The following ASCL5 variants were observed in gnomAD, a reference collection of about 807,000 sequenced individuals.
ASCL5 encodes the protein achaete-scute family bHLH transcription factor 5, also known as achaete-scute homolog 5.
For synonymous variants in ASCL5, 124 were observed against 131.5 expected (o/e 0.94, Z 0.39); for missense variants, 262 against 268.9 (o/e 0.97, Z 0.18).
In ASCL5 at chr1:201,115,072, C is replaced by A. The variant is rs922545647; in HGVS notation, c.301G>T (p.Glu101Ter). ...TGGCCGCGGAGGCGAGCGTAGCCCT[C>A]GTTGACGCACTTGACTCGCTGCCTC... is the stretch of plus-strand genomic sequence containing the variant. ...RERQRVKCVN[E>*]GYARLRGHLP... The change falls in exon 2 of 2, where the codon GAG (glutamate) becomes TAG (stop). Residue 101 changes from glutamate to a stop codon, truncating the protein, a stop_gained. Transcript: ENST00000449188. LOFTEE classifies it low-confidence loss of function (END_TRUNC). 11 of 1,231,882 alleles carry A rather than the reference C, an allele frequency of 8.9e-6. No homozygotes were observed. Among genetic ancestry groups the A allele is most frequent in the African/African-American group, 1.6e-5 (1 of 64,436 alleles). 76.3% of individuals were successfully genotyped at this position (1,231,882 alleles called of 1,614,324 possible). A position where few individuals can be genotyped will look rare whatever the true frequency, so the allele number is the denominator to read the frequency against.
Position 201,119,854 on chromosome 1 carries a change from T to C in ASCL5, c.-505-3977A>G, listed in dbSNP as rs575033507. The stretch of plus-strand genomic sequence containing the variant: ...GAGTGAACCCATTGATTGCATTGAG[T>C]AGGCACAGACTATTAGTTGCAGGCA... On this transcript the variant is annotated intron_variant, in intron 1 of 1. Transcript: ENST00000449188. Among the ~76,000 whole-genome samples the C allele has an allele frequency of 6.6e-5, 10 of 152,160 alleles. 1 individual carries two copies. The South Asian group carries it at 2.1e-3, about 32-fold the overall frequency.
At chr1:201,119,132 T>C (rs1477955593) in intron 1 of ASCL5, among the ~76,000 whole-genome samples, 1 of 152,258 alleles carries the variant, frequency 6.6e-6, no homozygotes, top group Non-Finnish European at 1.5e-5. Flanking sequence ...CCAATTATAA[T>C]GCTGTTATTT....
chr1:201,126,138 A>ATT (rs58644617), intron 1 of ASCL5, among the ~76,000 whole-genome samples: 37 of 147,812 alleles, frequency 2.5e-4, no homozygotes, highest in African/African-American at 7.7e-4. Flanking sequence ...TTTAAAGTTA[A>ATT]TTTTTTTTTT....
rs1663349945 is a variant in ASCL5 at position 201,116,354 on chromosome 1, T to C, written c.-505-477A>G. ...TTTATGGAAAGGAATGCCTCTTTGA[T>C]AACAAGGTAGGTGTTGCTGGTCCAT... On this transcript the variant is annotated intron_variant, in intron 1 of 1. Coordinates refer to ENST00000449188, the MANE Select transcript of ASCL5 (RefSeq NM_001270601.2). 3.3e-5 allele frequency among the ~76,000 whole-genome samples: 5 copies of C among 152,128 alleles called. No homozygotes were observed. The South Asian group carries it at 1.0e-3, about 32-fold the overall frequency.
chr1:201,115,073 G>A lies in ASCL5; in HGVS notation c.300C>T (p.Asn100=). ...ERERQRVKCV[N]EGYARLRGHL... ...GGCCGCGGAGGCGAGCGTAGCCCTCGTTGACGCACTTGACTCGCTGCCTCT... is the reference window on the plus strand; with the variant it reads ...GGCCGCGGAGGCGAGCGTAGCCCTCATTGACGCACTTGACTCGCTGCCTCT... Residue 100 remains asparagine (N), a synonymous_variant, in exon 2 of 2, where the codon AAC becomes AAT. Coordinates refer to ENST00000449188, the MANE Select transcript of ASCL5 (RefSeq NM_001270601.2). 8.1e-7 allele frequency: 1 copy of A among 1,231,998 alleles called. No individual in the cohort carries two copies. The highest frequency in any genetic ancestry group is 1.0e-6 in the Non-Finnish European group (1 of 988,188). The allele number at this position is 1,231,998 out of a possible 1,614,324, so 76.3% of individuals were successfully genotyped here.
At chr1:201,118,520 C>A (rs1663392276) in intron 1 of ASCL5, among the ~76,000 whole-genome samples, 1 of 151,596 alleles carries the variant, frequency 6.6e-6, no homozygotes, top group Non-Finnish European at 1.5e-5. Flanking sequence ...CATAACCTAT[C>A]TGCAAGATAC....
chr1:201,126,705 G>A (rs988430258), intron 1 of ASCL5, among the ~76,000 whole-genome samples: 3 of 152,164 alleles, frequency 2.0e-5, no homozygotes, highest in South Asian at 4.1e-4. Context: ...GTGTGAGCCC[G>A]GGCCATCTCT....
chr1:201,123,720 TACCCC>T (rs778303344), intron 1 of ASCL5, among the ~76,000 whole-genome samples: 4 of 152,302 alleles, frequency 2.6e-5, no homozygotes, highest in African/African-American at 9.6e-5. Flanking sequence ...TTACTCCTAC[TACCCC>T]ACCCCACCCA....
intron 1 of ASCL5, among the ~76,000 whole-genome samples, chr1:201,126,398 C>T (rs968082440): frequency 2.0e-5 from 3 of 152,180 alleles, no homozygotes; most frequent in Non-Finnish European, 2.9e-5. Flanking sequence ...CACTGTGTCC[C>T]GCCCTCCCTT....
intron 1 of ASCL5, among the ~76,000 whole-genome samples, chr1:201,120,179 T>TTTTCTAATCCTCAAATC: frequency 6.6e-6 from 1 of 152,164 alleles, no homozygotes; most frequent in Non-Finnish European, 1.5e-5. Context: ...CAAATCTGAC[T>TTTTCTAATCCTCAAATC]TGCACCAGAG....
rs534034158 is a variant in ASCL5 at position 201,114,931 on chromosome 1, G to T, written c.442C>A (p.Pro148Thr). The T allele has an allele frequency of 1.5e-5, 19 of 1,230,812 alleles. No individual in the cohort carries two copies. The Admixed American group carries it at 1.7e-4, about 11-fold the overall frequency. 76.2% of individuals were successfully genotyped at this position (1,230,812 alleles called of 1,614,324 possible). ...LLSSAPDGST[P>T]PASRGLPGTG... Reference sequence around the variant, plus strand: ...CCCGGGAGGCCGCGGGAAGCGGGGGGCGTCGAGCCGTCGGGGGCCGAGCTC... The same window carrying T: ...CCCGGGAGGCCGCGGGAAGCGGGGGTCGTCGAGCCGTCGGGGGCCGAGCTC... Residue 148 changes from proline to threonine, a missense_variant, in exon 2 of 2, where the codon CCC becomes ACC. By Grantham distance (38) the Pro-to-Thr change is conservative. Transcript: ENST00000449188.
chr1:201,124,541 G>T (rs889948929), intron 1 of ASCL5, among the ~76,000 whole-genome samples: 8 of 147,220 alleles, frequency 5.4e-5, no homozygotes, highest in African/African-American at 2.1e-4. Context: ...TGTAGGTGAC[G>T]GCTATTTCAT....
chr1:201,125,792 C>T (rs530697502), intron 1 of ASCL5, among the ~76,000 whole-genome samples: 14 of 152,272 alleles, frequency 9.2e-5, no homozygotes, highest in Non-Finnish European at 2.9e-5. Context: ...TGAATTGCTG[C>T]TGGATGAATG....
intron 1 of ASCL5, among the ~76,000 whole-genome samples, chr1:201,116,571 G>A (rs1663353745): frequency 6.6e-6 from 1 of 152,186 alleles, no homozygotes; most frequent in Non-Finnish European, 1.5e-5. Context: ...AATACATGTG[G>A]AATAACAGAG....
rs1256804806 is a variant in ASCL5 at position 201,115,333 on chromosome 1, G to A, written c.40C>T (p.Pro14Ser). The A allele has an allele frequency of 1.2e-5, 15 of 1,231,392 alleles. No individual in the cohort carries two copies. The highest frequency in any genetic ancestry group is 1.5e-5 in the Non-Finnish European group (15 of 987,714). The allele number at this position is 1,231,392 out of a possible 1,614,324, so 76.3% of individuals were successfully genotyped here. Residue 14 changes from proline (P) to serine (S), a missense_variant, in exon 2 of 2, where the codon CCT becomes TCT. By Grantham distance (74) the Pro-to-Ser change is moderately conservative. Coordinates refer to ENST00000449188, the MANE Select transcript of ASCL5 (RefSeq NM_001270601.2). ...TGCATGCAGCTGGGGGGCCCCAGAG[G>A]CCTCCGGTCCACCAGAGCCCGGCAG... ...NFCRALVDRR[P>S]LGPPSCMQLG...
chr1:201,125,107 A>G (rs2102203037), intron 1 of ASCL5, among the ~76,000 whole-genome samples: 1 of 152,352 alleles, frequency 6.6e-6, no homozygotes, highest in African/African-American at 2.4e-5. Context: ...GCCACTTCCC[A>G]GCTATATGAC....
At position 201,127,116 on chromosome 1, in the gene ASCL5, C is replaced by G. The variant is rs1047402529; in HGVS notation, c.-538G>C. On this transcript the variant is annotated 5_prime_UTR_variant, in exon 1 of 2. Transcript: ENST00000449188. ...GGTTTGTTCCTCCGGCAGCGCTTATCCTGATCAGTGGCTCTTGAACCTCCT... is the reference window on the plus strand; with the variant it reads ...GGTTTGTTCCTCCGGCAGCGCTTATGCTGATCAGTGGCTCTTGAACCTCCT... The G allele has an allele frequency of 2.0e-5, 3 of 152,452 alleles. No homozygotes were observed. The highest frequency in any genetic ancestry group is 7.2e-5 in the African/African-American group (3 of 41,480). The allele number at this position is 152,452 out of a possible 1,614,324, so 9.4% of individuals were successfully genotyped here. A position where few individuals can be genotyped will look rare whatever the true frequency, so the allele number is the denominator to read the frequency against.
At chr1:201,119,613 C>T (rs1446274182) in intron 1 of ASCL5, among the ~76,000 whole-genome samples, 3 of 152,158 alleles carry the variant, frequency 2.0e-5, no homozygotes, top group Non-Finnish European at 2.9e-5. Flanking sequence ...AATTTTCTCC[C>T]TGTGTTTGTG....
intron 1 of ASCL5, among the ~76,000 whole-genome samples, chr1:201,118,212 G>T (rs1663382759): frequency 6.6e-6 from 1 of 152,222 alleles, no homozygotes; most frequent in South Asian, 2.1e-4. Flanking sequence ...AGGCGAGGTG[G>T]CTCATGCCTG....
Sources: allele counts gnomAD v4.1 joint callset (sites outside exome capture counted in the v4.1 genomes callset), GRCh38; gene constraint gnomAD v4.1.1; transcripts MANE v1.5; gene names NCBI Gene and HGNC (gene_info 2026-07-23, HGNC 2026-07-21).